XDH: variants seen among roughly 807,000 people sequenced by gnomAD.
XDH encodes the protein xanthine dehydrogenase.
A neutral mutation model predicts 156.1 loss-of-function variants in XDH; 138 were observed. That is an observed-to-expected ratio of 0.88 (90% confidence interval 0.77 to 1.02). The LOEUF (loss-of-function observed/expected upper bound fraction) is 1.02. Among genes scored for constraint, XDH ranks in the 50% least tolerant of loss-of-function variants. The pLI is 0.00. For missense variants in XDH, 1,849 were observed against 1,684.9 expected, an observed-to-expected ratio of 1.10 and a Z score of -1.71; for synonymous variants, 669 against 625.7, an observed-to-expected ratio of 1.07 and a Z score of -1.03.
In XDH at chr2:31,378,163, G is replaced by C. The variant is rs1302635038; in HGVS notation, c.1243-926C>G. On this transcript the variant is annotated intron_variant, in intron 13 of 35. Transcript: ENST00000379416. ...GGAAGGAAGGAAGGAAGGAAGGAAG[G>C]AAGGAAGGAAGGAAGCAAGCAAGCA... is the stretch of plus-strand genomic sequence containing the variant. Among the ~76,000 whole-genome samples the C allele has an allele frequency of 8.2e-5, 9 of 110,210 alleles. No homozygotes were observed. In the South Asian group the frequency reaches 1.7e-3, roughly 21 times the overall value. The allele number at this position is 110,210 out of a possible 152,430, so 72.3% of individuals were successfully genotyped here.
At chr2:31,347,498 T>C in intron 29 of XDH, 24 bp downstream of exon 29, 1 of 1,613,034 alleles carries the variant, frequency 6.2e-7, no homozygotes, top group Non-Finnish European at 8.5e-7. Context: ...CCCTCTGCTC[T>C]GCGGGATCCC....
At chr2:31,377,002 T>A (rs778243507) in intron 14 of XDH, 51 bp downstream of exon 14, 7 of 1,607,388 alleles carry the variant, frequency 4.4e-6, no homozygotes, top group Non-Finnish European at 6.0e-6. Flanking sequence ...ACAATGATAC[T>A]ATTAGTAGCA....
At chr2:31,409,065 A>C (rs1572574787) in intron 1 of XDH, among the ~76,000 whole-genome samples, 1 of 152,188 alleles carries the variant, frequency 6.6e-6, no homozygotes, top group African/African-American at 2.4e-5. Context: ...ACATGTTCTC[A>C]CTGATTTGTG....
intron 16 of XDH, among the ~76,000 whole-genome samples, chr2:31,372,878 TATA>T (rs558295746): frequency 1.9e-4 from 29 of 152,248 alleles, no homozygotes; most frequent in Admixed American, 7.8e-4. Context: ...TAAACAAAAA[TATA>T]ATAATAATTT....
Position 31,381,739 on chromosome 2 carries a change from G to A in XDH, c.1039-13C>T. 6.2e-7 allele frequency: 1 copy of A among 1,609,770 alleles called. No homozygotes were observed. The highest frequency in any genetic ancestry group is 8.5e-7 in the Non-Finnish European group (1 of 1,177,846). On this transcript the variant is annotated splice_polypyrimidine_tract_variant and intron_variant, in intron 11 of 35. Transcript: ENST00000379416. ...TCCCTCCAACGGACTAAAACAAGCA[G>A]AGAGCATGCAGTGAGAGCCCACCCC...
intron 33 of XDH, among the ~76,000 whole-genome samples, chr2:31,339,926 A>G (rs1429764072): frequency 6.6e-6 from 1 of 152,220 alleles, no homozygotes; most frequent in African/African-American, 2.4e-5. Flanking sequence ...CATGTTTCCC[A>G]CTACAACCTG....
chr2:31,345,747 A>G (rs1380676858), intron 30 of XDH, among the ~76,000 whole-genome samples: 2 of 152,070 alleles, frequency 1.3e-5, no homozygotes, highest in Non-Finnish European at 2.9e-5. Flanking sequence ...ATGTGTATGT[A>G]TGTGTTGGTG....
At chr2:31,391,276 A>G (rs1227660880) in intron 6 of XDH, among the ~76,000 whole-genome samples, 1 of 152,014 alleles carries the variant, frequency 6.6e-6, no homozygotes, top group Non-Finnish European at 1.5e-5. Context: ...ACATCAGTTG[A>G]CTGTATTTAT....
Position 31,401,296 on chromosome 2 carries a change from A to G in XDH, c.230T>C (p.Ile77Thr). Residue 77 changes from isoleucine to threonine, a missense_variant, in exon 4 of 36, where the codon ATC (isoleucine) becomes ACC (threonine). By Grantham distance (89) the Ile-to-Thr change is moderately conservative. Coordinates refer to ENST00000379416, the MANE Select transcript of XDH (RefSeq NM_000379.4). ...CACTGCAACATGGTGCAAGGAGCAG[A>G]TGGGGGCCAGGCAGGCATTGGCAGA... Reference protein sequence around the residue: ...HFSANACLAPICSLHHVAVTT... With the variant: ...HFSANACLAPTCSLHHVAVTT... 1.9e-6 allele frequency: 3 copies of G among 1,614,188 alleles called. No homozygotes were observed. The highest frequency in any genetic ancestry group is 2.5e-6 in the Non-Finnish European group (3 of 1,180,028).
intron 1 of XDH, among the ~76,000 whole-genome samples, chr2:31,409,022 G>A (rs1035992553): frequency 1.3e-5 from 2 of 152,178 alleles, no homozygotes; most frequent in South Asian, 4.1e-4. Context: ...ATTACGTTAA[G>A]TGAAATAAGT....
At chr2:31,387,997 C>CTGCAAGCTCATT in intron 7 of XDH, 100 bp from the exon 8 acceptor site, 1 of 1,352,622 alleles carries the variant, frequency 7.4e-7, no homozygotes, top group Non-Finnish European at 1.0e-6. Context: ...CATTCCCAGC[C>CTGCAAGCTCATT]CCCTGCAGGC....
intron 14 of XDH, 145 bp downstream of exon 14, chr2:31,376,908 G>T: frequency 1.9e-6 from 2 of 1,028,926 alleles, no homozygotes; most frequent in Non-Finnish European, 2.9e-6. Context: ...AGAAGTGGTA[G>T]CAGTAGTAGC....
Position 31,348,252 on chromosome 2 carries a change from A to C in XDH, c.3147+16T>G, listed in dbSNP as rs888743533. 2 of 1,613,366 alleles carry C rather than the reference A, an allele frequency of 1.2e-6. No homozygotes were observed. Among genetic ancestry groups the C allele is most frequent in the Non-Finnish European group, 1.7e-6 (2 of 1,179,328 alleles). Reference sequence around the variant, plus strand: ...CTCTAACAACGGACACAACACTGCCAGAGAGGGCTGCTCACCTGGACCATT... The same window carrying C: ...CTCTAACAACGGACACAACACTGCCCGAGAGGGCTGCTCACCTGGACCATT... On this transcript the variant is annotated intron_variant, in intron 28 of 35. Transcript: ENST00000379416.
intron 2 of XDH, among the ~76,000 whole-genome samples, 200 bp downstream of exon 2, chr2:31,405,707 A>G (rs1293747705): frequency 6.6e-6 from 1 of 152,180 alleles, no homozygotes; most frequent in Non-Finnish European, 1.5e-5. Flanking sequence ...GAAGATCACC[A>G]CAAACAATCC....
chr2:31,375,472 T>C lies in XDH; in HGVS notation c.1510A>G (p.Met504Val), dbSNP rs2148774872. Residue 504 changes from methionine to valine, a missense_variant, in exon 15 of 36, where the codon ATG becomes GTG. Met to Val is a conservative substitution (Grantham distance 21). Transcript: ENST00000379416. ...GTGAGGGTGCACCGGAAGTCCACCA[T>C]GCCACCAGGGGCATCGGGAGGCAGA... is the stretch of plus-strand genomic sequence containing the variant. ...LHLPPDAPGG[M>V]VDFRCTLTLS... 1.2e-6 allele frequency: 2 copies of C among 1,614,166 alleles called. No homozygotes were observed. Among genetic ancestry groups the C allele is most frequent in the Non-Finnish European group, 8.5e-7 (1 of 1,180,026 alleles).
At chr2:31,369,598 G>T (rs908650670) in intron 18 of XDH, among the ~76,000 whole-genome samples, 1 of 152,096 alleles carries the variant, frequency 6.6e-6, no homozygotes, top group African/African-American at 2.4e-5. Context: ...CTGGCTGTTG[G>T]TTATTGCAAT....
chr2:31,384,031 T>C (rs1273803425), intron 9 of XDH, 184 bp from the exon 10 acceptor site: 1 of 640,782 alleles, frequency 1.6e-6, no homozygotes, highest in African/African-American at 1.8e-5. Context: ...TTAGATGCAG[T>C]CTTTGGACTG....
intron 4 of XDH, 40 bp from the exon 5 acceptor site, chr2:31,398,739 A>C (rs1686981734): frequency 6.2e-7 from 1 of 1,611,392 alleles, no homozygotes; most frequent in East Asian, 2.2e-5. Context: ...GGATGGCAGA[A>C]CCCTCCCAGG....
At chr2:31,393,990 A>T (rs903615406) in intron 6 of XDH, among the ~76,000 whole-genome samples, 8 of 151,886 alleles carry the variant, frequency 5.3e-5, no homozygotes, top group African/African-American at 1.9e-4. Flanking sequence ...ACACAAGCAC[A>T]TATATATATA....
Sources: gnomAD v4.1 joint callset for allele counts (sites outside exome capture counted in the v4.1 genomes callset) on GRCh38, gnomAD v4.1.1 for gene constraint, MANE v1.5 for transcripts, NCBI Gene and HGNC (gene_info 2026-07-23, HGNC 2026-07-21) for gene names.